The following KMT2C variants were observed in gnomAD, a reference collection of about 807,000 sequenced individuals.
The protein encoded by KMT2C is histone-lysine N-methyltransferase 2C.
KMT2C carries 88 observed loss-of-function variants against 507.9 expected under a neutral mutation model. That is an observed-to-expected ratio of 0.17 (90% CI 0.15 to 0.21). The LOEUF (loss-of-function observed/expected upper bound fraction) is 0.21, where lower values mean the gene tolerates loss of function less well. Ranked by LOEUF, KMT2C falls within the 10% of genes least tolerant of loss-of-function variation. The pLI, the probability that KMT2C is intolerant of heterozygous loss-of-function variation, is 1.00. For missense variants in KMT2C, 4,954 were observed against 5,957.8 expected (o/e 0.83, Z 5.55); for synonymous variants, 2,049 against 2,080.8 (o/e 0.98, Z 0.42).
At chr7:152,252,332 C>T (rs890851863) in intron 10 of KMT2C, among the ~76,000 whole-genome samples, 1 of 152,154 alleles carries the variant, frequency 6.6e-6, no homozygotes, top group African/African-American at 2.4e-5. Context: ...CCTATTAGTG[C>T]TCATTTCTGA....
chr7:152,215,277 G>C (rs2094544054), intron 23 of KMT2C, among the ~76,000 whole-genome samples: 2 of 151,914 alleles, frequency 1.3e-5, no homozygotes, highest in South Asian at 4.1e-4. Context: ...ACTTTGGGAG[G>C]CCGAGGCAGG....
chr7:152,209,341 C>T lies in KMT2C; in HGVS notation c.3713-1913G>A, dbSNP rs146324715. 8.5e-3 allele frequency among the ~76,000 whole-genome samples: 1,291 copies of T among 151,214 alleles called. 19 individuals carry two copies. The highest frequency in any genetic ancestry group is 0.03 in the African/African-American group (1,244 of 41,064). On this transcript the variant is annotated intron_variant, in intron 23 of 58. Transcript: ENST00000262189. ...GTGAGGTGGCTGGTGCCTGTAGTCC[C>T]AGCTACGTGGGAGGCTGAGGCAGGA...
At position 152,162,556 on chromosome 7, in the gene KMT2C, C is replaced by T. The variant is rs752291776; in HGVS notation, c.11021G>A (p.Gly3674Asp). Residue 3674 changes from glycine to aspartate, a missense_variant, in exon 43 of 59, where the codon GGC becomes GAC. Physicochemically the swap from Gly to Asp is moderately conservative, Grantham distance 94. Coordinates refer to ENST00000262189, the MANE Select transcript of KMT2C (RefSeq NM_170606.3). ...VGPSTPNMAA[G>D]QLCTELENKL... ...GTTCTCTAATTCTGTACATAGCTGG[C>T]CTGCTGCCATATTGGGAGTGGATGG... is the stretch of plus-strand genomic sequence containing the variant. 3 of 1,614,224 alleles carry T rather than the reference C, an allele frequency of 1.9e-6. No individual in the cohort carries two copies. The South Asian group carries it at 3.3e-5, about 18-fold the overall frequency.
At chr7:152,325,958 T>G (rs1563868038) in intron 3 of KMT2C, among the ~76,000 whole-genome samples, 1 of 152,014 alleles carries the variant, frequency 6.6e-6, no homozygotes, top group Admixed American at 6.6e-5. Flanking sequence ...GCACAATTGT[T>G]GAAAGAGACT....
intron 20 of KMT2C, 51 bp downstream of exon 20, chr7:152,223,963 TG>T: frequency 1.6e-6 from 2 of 1,261,620 alleles, no homozygotes; most frequent in Non-Finnish European, 1.1e-6. Context: ...TTTTTTTTTT[TG>T]CTACATTTCA....
At chr7:152,269,230 T>C (rs2095913681) in intron 7 of KMT2C, among the ~76,000 whole-genome samples, 1 of 152,210 alleles carries the variant, frequency 6.6e-6, no homozygotes, top group Admixed American at 6.5e-5. Flanking sequence ...GCTGTGTTCT[T>C]TGATTACTAT....
intron 20 of KMT2C, among the ~76,000 whole-genome samples, chr7:152,223,234 T>A (rs571185719): frequency 9.1e-4 from 139 of 152,242 alleles, no homozygotes; most frequent in African/African-American, 3.2e-3. Flanking sequence ...AGTACAACAA[T>A]ATACCAATGA....
At chr7:152,299,525 A>G (rs1341886177) in intron 6 of KMT2C, among the ~76,000 whole-genome samples, 5 of 151,768 alleles carry the variant, frequency 3.3e-5, no homozygotes, top group African/African-American at 1.2e-4. Flanking sequence ...GTGGTGGTGC[A>G]CAACTGTGGT....
intron 2 of KMT2C, among the ~76,000 whole-genome samples, chr7:152,355,185 A>C (rs1004398017): frequency 1.3e-5 from 2 of 152,218 alleles, no homozygotes; most frequent in African/African-American, 4.8e-5. Context: ...GTAAAATGTG[A>C]AAATGTGAAA....
chr7:152,313,211 A>G (rs2096689155), intron 4 of KMT2C, among the ~76,000 whole-genome samples: 1 of 151,820 alleles, frequency 6.6e-6, no homozygotes, highest in Non-Finnish European at 1.5e-5. Context: ...TATATGCTCC[A>G]TTACAAATCA....
chr7:152,178,804 A>C (rs1049410123), intron 37 of KMT2C, among the ~76,000 whole-genome samples: 2 of 152,208 alleles, frequency 1.3e-5, no homozygotes, highest in African/African-American at 4.8e-5. Context: ...AAAGACATAA[A>C]ACTAAAAAGC....
In KMT2C at chr7:152,243,225, G is replaced by A. The variant is rs532850737; in HGVS notation, c.2533-4399C>T. 1.8e-4 allele frequency among the ~76,000 whole-genome samples: 28 copies of A among 152,230 alleles called. No homozygotes were observed. The East Asian group carries it at 5.4e-3, about 29-fold the overall frequency. On this transcript the variant is annotated intron_variant, in intron 14 of 58. Coordinates refer to ENST00000262189, the MANE Select transcript of KMT2C (RefSeq NM_170606.3). Reference sequence around the variant, plus strand: ...TTCAATAATTTCACAATACAAATTAGGTGGCACTAGCAACAGTAATATCTC... The same window carrying A: ...TTCAATAATTTCACAATACAAATTAAGTGGCACTAGCAACAGTAATATCTC...
chr7:152,174,698 T>TG (rs2093118694), intron 38 of KMT2C, among the ~76,000 whole-genome samples: 1 of 152,022 alleles, frequency 6.6e-6, no homozygotes, highest in African/African-American at 2.4e-5. Context: ...TGCATCTAAA[T>TG]GAAAAAAAGG....
chr7:152,430,184 G>GAA (rs59960992), intron 1 of KMT2C, among the ~76,000 whole-genome samples: 9 of 87,150 alleles, frequency 1.0e-4, no homozygotes, highest in Non-Finnish European at 1.7e-4. Flanking sequence ...TCAAAAAAAA[G>GAA]AAAAAAAAAA....
At chr7:152,221,830 C>G (rs1166449836) in intron 22 of KMT2C, among the ~76,000 whole-genome samples, 171 bp downstream of exon 22, 1 of 151,996 alleles carries the variant, frequency 6.6e-6, no homozygotes, top group Non-Finnish European at 1.5e-5. Flanking sequence ...GAATACTGCC[C>G]CAGTAAAGCT....
chr7:152,435,435 G>A (rs932032196), intron 1 of KMT2C, among the ~76,000 whole-genome samples, 191 bp downstream of exon 1: 1 of 147,388 alleles, frequency 6.8e-6, no homozygotes, highest in African/African-American at 2.4e-5. Flanking sequence ...GCGGAGCGGG[G>A]GAGGCCGGGC....
At chr7:152,377,677 C>T (rs376076251) in intron 1 of KMT2C, among the ~76,000 whole-genome samples, 4 of 144,690 alleles carry the variant, frequency 2.8e-5, no homozygotes, top group African/African-American at 1.1e-4. Context: ...AGAGGTTGCA[C>T]TAAACCAAGA....
intron 1 of KMT2C, among the ~76,000 whole-genome samples, chr7:152,390,909 G>A (rs1395823963): frequency 6.6e-6 from 1 of 152,062 alleles, no homozygotes; most frequent in Non-Finnish European, 1.5e-5. Context: ...CACTTTGGGA[G>A]GCCGAGGCAG....
chr7:152,324,943 A>G (rs1001116513), intron 3 of KMT2C, among the ~76,000 whole-genome samples: 2 of 152,062 alleles, frequency 1.3e-5, no homozygotes, highest in African/African-American at 4.8e-5. Context: ...AGTAATGTTT[A>G]TTGCAAGTAA....
Sources: gnomAD v4.1 joint callset for allele counts (sites outside exome capture counted in the v4.1 genomes callset) on GRCh38, gnomAD v4.1.1 for gene constraint, MANE v1.5 for transcripts, NCBI Gene and HGNC (gene_info 2026-07-23, HGNC 2026-07-21) for gene names.